Variants in FAF1 observed in about 807,000 individuals in gnomAD.
The protein encoded by FAF1 is Fas associated factor 1, also known as FAS-associated factor 1.
In FAF1, 25 loss-of-function variants were observed where a neutral mutation model predicts 92.5. The observed-to-expected ratio is 0.27, with a 90% CI of 0.20 to 0.38. The LOEUF is 0.38. FAF1 is among the 10% of genes least tolerant of loss of function. The pLI is 1.00. For missense variants in FAF1, 636 were observed against 793.3 expected (o/e 0.80, Z 2.38); for synonymous variants, 234 against 273.2 (o/e 0.86, Z 1.42).
chr1:50,494,094 A>T (rs1646872067), intron 15 of FAF1, among the ~76,000 whole-genome samples: 1 of 152,154 alleles, frequency 6.6e-6, no homozygotes, highest in East Asian at 1.9e-4. Flanking sequence ...GCTCAGGATG[A>T]ATTTTCCCAA....
chr1:50,790,106 T>C lies in FAF1; in HGVS notation c.162-1901A>G, dbSNP rs1490422870. 3.9e-5 allele frequency among the ~76,000 whole-genome samples: 6 copies of C among 152,186 alleles called. No homozygotes were observed. The East Asian group carries it at 1.2e-3, about 29-fold the overall frequency. ...AATGATTTGACATCTATGTCTCCAC[T>C]GGAATATAAGTACCACAAGAATAAA... is the stretch of plus-strand genomic sequence containing the variant. On this transcript the variant is annotated intron_variant, in intron 3 of 18. Coordinates refer to ENST00000396153, the MANE Select transcript of FAF1 (RefSeq NM_007051.3).
intron 7 of FAF1, among the ~76,000 whole-genome samples, chr1:50,676,368 T>C (rs534897002): frequency 6.8e-4 from 98 of 144,494 alleles, no homozygotes; most frequent in African/African-American, 2.5e-3. Context: ...GATCACGCCA[T>C]TGCACTCCAG....
intron 17 of FAF1, among the ~76,000 whole-genome samples, chr1:50,487,911 A>G (rs1202693262): frequency 1.3e-5 from 2 of 152,190 alleles, no homozygotes; most frequent in African/African-American, 2.4e-5. Context: ...TAAACCATAT[A>G]ATCTTTCTGG....
At chr1:50,890,106 T>C (rs1242192931) in intron 1 of FAF1, among the ~76,000 whole-genome samples, 2 of 152,220 alleles carry the variant, frequency 1.3e-5, no homozygotes, top group African/African-American at 4.8e-5. Context: ...ACTGATCCCT[T>C]TACTACTATG....
chr1:50,641,280 G>A (rs1041117836), intron 8 of FAF1, among the ~76,000 whole-genome samples: 2 of 152,040 alleles, frequency 1.3e-5, no homozygotes, highest in African/African-American at 4.8e-5. Context: ...TCAGGTAGAT[G>A]ATTATTTCAT....
chr1:50,884,039 C>T (rs757701015), intron 1 of FAF1, among the ~76,000 whole-genome samples: 19 of 152,054 alleles, frequency 1.2e-4, no homozygotes, highest in Non-Finnish European at 2.5e-4. Context: ...GCAGGAGAAT[C>T]GCTTGAACCC....
intron 4 of FAF1, among the ~76,000 whole-genome samples, chr1:50,759,406 G>GT (rs1452653591): frequency 6.7e-6 from 1 of 149,222 alleles, no homozygotes; most frequent in Non-Finnish European, 1.5e-5. Flanking sequence ...GCAGTGTTTG[G>GT]TTTTTTGTTC....
intron 15 of FAF1, among the ~76,000 whole-genome samples, chr1:50,531,095 C>T (rs1416587358): frequency 6.6e-6 from 1 of 152,138 alleles, no homozygotes. Context: ...AAATTAGAAC[C>T]CTTTAAAATA....
intron 17 of FAF1, among the ~76,000 whole-genome samples, chr1:50,488,420 G>A (rs1276299277): frequency 6.6e-6 from 1 of 152,150 alleles, no homozygotes; most frequent in Non-Finnish European, 1.5e-5. Context: ...AGTTAATTGT[G>A]TACCCTTGAC....
At chr1:50,648,018 G>A (rs1237268551) in intron 8 of FAF1, among the ~76,000 whole-genome samples, 4 of 152,180 alleles carry the variant, frequency 2.6e-5, no homozygotes, top group African/African-American at 4.8e-5. Flanking sequence ...TGGCACTTTG[G>A]GAGGCCGAGG....
chr1:50,867,730 T>G (rs1644494229), intron 1 of FAF1, among the ~76,000 whole-genome samples: 1 of 152,140 alleles, frequency 6.6e-6, no homozygotes, highest in Non-Finnish European at 1.5e-5. Context: ...ACACTGCTGG[T>G]GGGAATGTAA....
At chr1:50,825,932 A>G (rs1187622153) in intron 2 of FAF1, among the ~76,000 whole-genome samples, 1 of 152,212 alleles carries the variant, frequency 6.6e-6, no homozygotes, top group Non-Finnish European at 1.5e-5. Flanking sequence ...CAGGGTCAAA[A>G]AAGAAATTAA....
intron 1 of FAF1, among the ~76,000 whole-genome samples, chr1:50,906,900 G>C (rs1644843675): frequency 1.3e-5 from 2 of 152,280 alleles, no homozygotes; most frequent in South Asian, 4.1e-4. Flanking sequence ...GCCCTGGCCA[G>C]AACTTCCAAC....
chr1:50,767,740 G>A (rs1419323885), intron 4 of FAF1, among the ~76,000 whole-genome samples: 1 of 152,060 alleles, frequency 6.6e-6, no homozygotes, highest in Non-Finnish European at 1.5e-5. Flanking sequence ...CTTTTCAGAT[G>A]AGCAAATGCT....
At chr1:50,928,121 C>G (rs1029418851) in intron 1 of FAF1, among the ~76,000 whole-genome samples, 2 of 152,154 alleles carry the variant, frequency 1.3e-5, no homozygotes, top group African/African-American at 4.8e-5. Flanking sequence ...AAGTCACCTG[C>G]CTAGTAAGTG....
At chr1:50,629,780 C>T (rs964659212) in intron 8 of FAF1, among the ~76,000 whole-genome samples, 8 of 152,026 alleles carry the variant, frequency 5.3e-5, no homozygotes, top group African/African-American at 1.9e-4. Context: ...CATATAAGGC[C>T]AGGTGCAGTG....
chr1:50,593,241 G>A (rs1004549169), intron 9 of FAF1, among the ~76,000 whole-genome samples: 1 of 152,270 alleles, frequency 6.6e-6, no homozygotes, highest in East Asian at 1.9e-4. Flanking sequence ...AACCTAAATA[G>A]TGTGCTAGCC....
chr1:50,657,574 C>T lies in FAF1; in HGVS notation c.658-2046G>A, dbSNP rs138201581. 4.4e-3 allele frequency among the ~76,000 whole-genome samples: 669 copies of T among 152,200 alleles called. 2 individuals carry two copies. The highest frequency in any genetic ancestry group is 6.0e-3 in the Non-Finnish European group (407 of 67,998). On this transcript the variant is annotated intron_variant, in intron 7 of 18. Coordinates refer to ENST00000396153, the MANE Select transcript of FAF1 (RefSeq NM_007051.3). ...CCTGTCTCAAAAAACAAAACAAAAC[C>T]CAAAAACTTCAATAGGGTTCTTCAT...
At chr1:50,547,110 C>T (rs746617731) in intron 13 of FAF1, among the ~76,000 whole-genome samples, 35 of 151,540 alleles carry the variant, frequency 2.3e-4, no homozygotes, top group Non-Finnish European at 3.7e-4. Context: ...TCAGGCTGGT[C>T]TTGAACTCAT....
Sources: allele counts gnomAD v4.1 joint callset (sites outside exome capture counted in the v4.1 genomes callset), GRCh38; gene constraint gnomAD v4.1.1; transcripts MANE v1.5; gene names NCBI Gene and HGNC (gene_info 2026-07-23, HGNC 2026-07-21).